PARD3: variants seen among roughly 807,000 people sequenced by gnomAD.
The protein encoded by PARD3 is partitioning defective 3 homolog.
A neutral mutation model predicts 155.4 loss-of-function variants in PARD3; 75 were observed. The observed-to-expected ratio is 0.48, with a 90% CI of 0.40 to 0.58. The LOEUF is 0.58. Among genes scored for constraint, PARD3 ranks in the 20% least tolerant of loss-of-function variants. The pLI is 0.00. For missense variants in PARD3, 1,642 were observed against 1,721.7 expected (o/e 0.95, Z 0.82); for synonymous variants, 576 against 610.5 (o/e 0.94, Z 0.83).
chr10:34,336,660 G>C (rs1836226440), intron 17 of PARD3, among the ~76,000 whole-genome samples: 1 of 151,666 alleles, frequency 6.6e-6, no homozygotes, highest in Non-Finnish European at 1.5e-5. Flanking sequence ...TGGTGGATTT[G>C]GATTTAAAGA....
At chr10:34,252,295 T>G (rs1166750018) in intron 22 of PARD3, among the ~76,000 whole-genome samples, 3 of 152,094 alleles carry the variant, frequency 2.0e-5, no homozygotes, top group Admixed American at 2.0e-4. Context: ...AGTGTGACAT[T>G]CCATGCAGAA....
intron 2 of PARD3, among the ~76,000 whole-genome samples, chr10:34,635,842 C>T (rs2092449877): frequency 6.6e-6 from 1 of 152,092 alleles, no homozygotes; most frequent in African/African-American, 2.4e-5. Context: ...GATTAATAGA[C>T]AAAGTCTGGG....
intron 1 of PARD3, among the ~76,000 whole-genome samples, chr10:34,801,217 A>G (rs1842815029): frequency 6.6e-6 from 1 of 152,196 alleles, no homozygotes; most frequent in East Asian, 1.9e-4. Flanking sequence ...GTAGGAAACT[A>G]AAACTTGGAA....
chr10:34,712,862 A>G (rs142402873), intron 1 of PARD3, among the ~76,000 whole-genome samples: 1 of 152,246 alleles, frequency 6.6e-6, no homozygotes, highest in East Asian at 1.9e-4. Flanking sequence ...CCCAAACCTC[A>G]GCATCATGCA....
chr10:34,546,713 G>A (rs756068844), intron 2 of PARD3, among the ~76,000 whole-genome samples: 9 of 151,986 alleles, frequency 5.9e-5, no homozygotes, highest in Non-Finnish European at 1.3e-4. Flanking sequence ...TCATCAATAA[G>A]TTCCAGGGTT....
chr10:34,352,396 G>A (rs1838195732), intron 14 of PARD3, among the ~76,000 whole-genome samples: 1 of 152,128 alleles, frequency 6.6e-6, no homozygotes, highest in African/African-American at 2.4e-5. Context: ...CTGATGCCGA[G>A]CCGAGGCTGG....
At chr10:34,256,046 T>C (rs1333659993) in intron 22 of PARD3, among the ~76,000 whole-genome samples, 1 of 152,200 alleles carries the variant, frequency 6.6e-6, no homozygotes, top group Non-Finnish European at 1.5e-5. Context: ...CAACCTATAA[T>C]AGAGTTTAAA....
intron 23 of PARD3, among the ~76,000 whole-genome samples, chr10:34,120,589 T>A (rs144838917): frequency 1.4e-4 from 21 of 152,220 alleles, no homozygotes; most frequent in Middle Eastern, 3.4e-3. Flanking sequence ...TAGTACAGGA[T>A]GACAGTGAAA....
intron 2 of PARD3, among the ~76,000 whole-genome samples, chr10:34,593,807 T>C (rs1192690002): frequency 6.6e-6 from 1 of 152,306 alleles, no homozygotes; most frequent in East Asian, 1.9e-4. Flanking sequence ...TTAAATTTGG[T>C]AAAAACTTGA....
intron 2 of PARD3, among the ~76,000 whole-genome samples, chr10:34,629,810 T>C (rs2092168632): frequency 6.6e-6 from 1 of 152,224 alleles, no homozygotes; most frequent in Non-Finnish European, 1.5e-5. Context: ...AAGACTGTTT[T>C]TGGGATAATC....
At chr10:34,385,406 G>C (rs1335963768) in intron 7 of PARD3, among the ~76,000 whole-genome samples, 1 of 152,164 alleles carries the variant, frequency 6.6e-6, no homozygotes, top group African/African-American at 2.4e-5. Context: ...AAAGTGCTGG[G>C]ATTACAGGCA....
At chr10:34,172,296 A>G (rs1181344164) in intron 22 of PARD3, among the ~76,000 whole-genome samples, 1 of 152,202 alleles carries the variant, frequency 6.6e-6, no homozygotes, top group Non-Finnish European at 1.5e-5. Flanking sequence ...TATTCACTAA[A>G]CTTTTAACTA....
chr10:34,652,635 C>T (rs952509485), intron 2 of PARD3, among the ~76,000 whole-genome samples: 1 of 152,198 alleles, frequency 6.6e-6, no homozygotes, highest in Non-Finnish European at 1.5e-5. Context: ...GAAATGCACG[C>T]TGTTTGGGGA....
intron 2 of PARD3, among the ~76,000 whole-genome samples, chr10:34,551,560 C>A (rs2133971788): frequency 6.6e-6 from 1 of 152,264 alleles, no homozygotes; most frequent in Admixed American, 6.5e-5. Flanking sequence ...GAAACTGCCC[C>A]AAGCAGAAAG....
intron 22 of PARD3, among the ~76,000 whole-genome samples, chr10:34,204,784 C>T (rs16935230): frequency 0.014 from 2,083 of 152,230 alleles, 39 homozygotes; most frequent in African/African-American, 0.048. Context: ...ATTTTGAATT[C>T]GTGGTATCTA....
intron 2 of PARD3, among the ~76,000 whole-genome samples, chr10:34,580,480 A>G (rs1280931757): frequency 6.6e-6 from 1 of 152,184 alleles, no homozygotes; most frequent in Non-Finnish European, 1.5e-5. Context: ...GGTTGCAATG[A>G]GCTATAATCT....
At chr10:34,607,048 C>T (rs982678871) in intron 2 of PARD3, among the ~76,000 whole-genome samples, 3 of 150,846 alleles carry the variant, frequency 2.0e-5, no homozygotes, top group African/African-American at 7.3e-5. Context: ...TAGATAGATG[C>T]ATAAGATGAG....
At chr10:34,428,511 T>A (rs758730132) in intron 5 of PARD3, among the ~76,000 whole-genome samples, 5 of 152,192 alleles carry the variant, frequency 3.3e-5, no homozygotes, top group Admixed American at 3.3e-4. Flanking sequence ...CCTAAAATTA[T>A]ATAAATTGTC....
chr10:34,214,593 G>C (rs541615971), intron 22 of PARD3, among the ~76,000 whole-genome samples: 6 of 152,174 alleles, frequency 3.9e-5, no homozygotes, highest in South Asian at 2.1e-4. Context: ...CAGGCAAGAG[G>C]ACTGCTTGAG....
Sources: allele counts gnomAD v4.1 joint callset (sites outside exome capture counted in the v4.1 genomes callset), GRCh38; gene constraint gnomAD v4.1.1; transcripts MANE v1.5; gene names NCBI Gene and HGNC (gene_info 2026-07-23, HGNC 2026-07-21).